Variants in TGFBI observed in about 807,000 individuals in gnomAD.
TGFBI encodes transforming growth factor-beta-induced protein ig-h3.
A neutral mutation model predicts 73.7 loss-of-function variants in TGFBI; 50 were observed. The observed-to-expected ratio is 0.68, with a 90% CI of 0.54 to 0.86. The LOEUF (loss-of-function observed/expected upper bound fraction) is 0.86, where lower values mean the gene tolerates loss of function less well. Among genes scored for constraint, TGFBI ranks in the 40% least tolerant of loss-of-function variants. TGFBI has a pLI of 0.00. For synonymous variants in TGFBI, 362 were observed against 360.5 expected (o/e 1.00, Z -0.05); for missense variants, 839 against 877.0 (o/e 0.96, Z 0.55).
intron 2 of TGFBI, among the ~76,000 whole-genome samples, chr5:136,043,160 G>T (rs1411844277): frequency 6.6e-6 from 1 of 152,194 alleles, no homozygotes; most frequent in African/African-American, 2.4e-5. Context: ...TCCACCGAAG[G>T]TACAGGGTAG....
At chr5:136,031,052 G>T (rs1751111120) in intron 1 of TGFBI, among the ~76,000 whole-genome samples, 1 of 152,184 alleles carries the variant, frequency 6.6e-6, no homozygotes, top group Non-Finnish European at 1.5e-5. Context: ...CCATACCCCT[G>T]CAGGCAAAGC....
intron 2 of TGFBI, among the ~76,000 whole-genome samples, chr5:136,043,777 G>C (rs1306392262): frequency 6.6e-6 from 1 of 152,220 alleles, no homozygotes; most frequent in Non-Finnish European, 1.5e-5. Flanking sequence ...ATGTTTTCTA[G>C]TCACAACATT....
chr5:136,047,522 G>A, intron 6 of TGFBI, 102 bp downstream of exon 6: 1 of 1,441,656 alleles, frequency 6.9e-7, no homozygotes, highest in Non-Finnish European at 9.5e-7. Flanking sequence ...GATGGCTCCT[G>A]TAGGGGAACA....
At chr5:136,037,019 G>A (rs555330785) in intron 2 of TGFBI, among the ~76,000 whole-genome samples, 6 of 152,286 alleles carry the variant, frequency 3.9e-5, no homozygotes, top group African/African-American at 1.4e-4. Context: ...CCGACCTGGT[G>A]AGACAGGAGC....
chr5:136,046,242 TG>T, intron 3 of TGFBI, 92 bp from the exon 4 acceptor site: 3 of 1,485,230 alleles, frequency 2.0e-6, no homozygotes, highest in Non-Finnish European at 2.8e-6. Context: ...CCTCTCCACC[TG>T]TAGATGTACC....
intron 2 of TGFBI, among the ~76,000 whole-genome samples, chr5:136,035,878 T>C (rs1751211138): frequency 6.6e-6 from 1 of 152,124 alleles, no homozygotes; most frequent in Non-Finnish European, 1.5e-5. Flanking sequence ...GACCCGTTTA[T>C]GATGACAAGC....
At chr5:136,050,907 A>G (rs1239816674) in intron 7 of TGFBI, among the ~76,000 whole-genome samples, 4 of 152,190 alleles carry the variant, frequency 2.6e-5, no homozygotes, top group African/African-American at 9.7e-5. Flanking sequence ...GAAAATGAAT[A>G]CAGCACAGCC....
chr5:136,042,488 C>G (rs1751356741), intron 2 of TGFBI, among the ~76,000 whole-genome samples: 1 of 152,142 alleles, frequency 6.6e-6, no homozygotes. Flanking sequence ...TCAATCAAAT[C>G]TTACTTTAGT....
chr5:136,061,647 GC>G lies in TGFBI; in HGVS notation c.1986+70del, dbSNP rs774010144. On this transcript the variant is annotated intron_variant, in intron 15 of 16. Transcript: ENST00000442011. Reference sequence around the variant, plus strand: ...GGTCCTCTGTTTGGGCCATAGAGGAGCCTCTCCAGCCCCTGTCTTCCTTGGC... The same window carrying G: ...GGTCCTCTGTTTGGGCCATAGAGGAGCTCTCCAGCCCCTGTCTTCCTTGGC... The G allele has an allele frequency of 6.1e-6, 8 of 1,308,226 alleles. No homozygotes were observed. In the South Asian group the frequency reaches 7.2e-5, roughly 12 times the overall value. 81.0% of individuals were successfully genotyped at this position (1,308,226 alleles called of 1,614,324 possible). A position where few individuals can be genotyped will look rare whatever the true frequency, so the allele number is the denominator to read the frequency against.
At chr5:136,035,223 A>G (rs1751191970) in intron 2 of TGFBI, among the ~76,000 whole-genome samples, 1 of 152,206 alleles carries the variant, frequency 6.6e-6, no homozygotes, top group Admixed American at 6.5e-5. Flanking sequence ...ACACACTGCC[A>G]AGATTCAGCT....
intron 2 of TGFBI, among the ~76,000 whole-genome samples, chr5:136,042,473 G>A (rs779455870): frequency 3.3e-5 from 5 of 152,210 alleles, no homozygotes; most frequent in Non-Finnish European, 7.3e-5. Context: ...ACCTTTGAAA[G>A]TGTGTCAATC....
In TGFBI at chr5:136,054,704, C is replaced by A. The variant is rs767292162; in HGVS notation, c.1265-12C>A. 1.2e-6 allele frequency: 2 copies of A among 1,613,824 alleles called. No homozygotes were observed. Among genetic ancestry groups the A allele is most frequent in the Admixed American group, 1.7e-5 (1 of 60,006 alleles). On this transcript the variant is annotated splice_polypyrimidine_tract_variant and intron_variant, in intron 9 of 16. Transcript: ENST00000442011. ...ACATCTCTCTGGACCTAACCATCAC[C>A]CTTTCTTGTAGATGGAACCCCTCCA... is the stretch of plus-strand genomic sequence containing the variant.
intron 2 of TGFBI, among the ~76,000 whole-genome samples, chr5:136,041,896 C>T (rs1461995654): frequency 6.6e-6 from 1 of 152,204 alleles, no homozygotes; most frequent in Non-Finnish European, 1.5e-5. Flanking sequence ...GGGGATGGAA[C>T]TCAGAAGCCA....
In TGFBI at chr5:136,061,109, C is replaced by T. The variant is rs115391206; in HGVS notation, c.1906+173C>T. The T allele has an allele frequency of 3.4e-4, 203 of 602,856 alleles. 1 individual carries two copies. Among genetic ancestry groups the T allele is most frequent in the African/African-American group, 3.3e-3 (179 of 54,066 alleles). 37.3% of individuals were successfully genotyped at this position (602,856 alleles called of 1,614,324 possible). A position where few individuals can be genotyped will look rare whatever the true frequency, so the allele number is the denominator to read the frequency against. ...AATTGGGAGCTGTTGGTTTTGAATG[C>T]ACCACACTAAGGAATGTGAGGACAC... On this transcript the variant is annotated intron_variant, in intron 14 of 16. Coordinates refer to ENST00000442011, the MANE Select transcript of TGFBI (RefSeq NM_000358.3).
At chr5:136,035,870 C>A (rs939517877) in intron 2 of TGFBI, among the ~76,000 whole-genome samples, 1 of 151,954 alleles carries the variant, frequency 6.6e-6, no homozygotes, top group Non-Finnish European at 1.5e-5. Flanking sequence ...AAAATGGAGA[C>A]CCGTTTATGA....
At position 136,055,716 on chromosome 5, in the gene TGFBI, G is replaced by A. The variant is rs754155367; in HGVS notation, c.1447G>A (p.Asp483Asn). 8.7e-6 allele frequency: 14 copies of A among 1,610,064 alleles called. No homozygotes were observed. Among genetic ancestry groups the A allele is most frequent in the South Asian group, 3.3e-5 (3 of 90,678 alleles). Residue 483 changes from aspartate (D) to asparagine (N), a missense_variant, in exon 11 of 17, where the codon GAC (aspartate) becomes AAC (asparagine). Coordinates refer to ENST00000442011, the MANE Select transcript of TGFBI (RefSeq NM_000358.3). ...TGAGAACAGCTGCATCGCGGCCCACGACAAGAGGGGGAGGTACGGGACCCT... is the reference window on the plus strand; with the variant it reads ...TGAGAACAGCTGCATCGCGGCCCACAACAAGAGGGGGAGGTACGGGACCCT... ...CIENSCIAAHDKRGRYGTLFT... is the reference protein window; with the variant it reads ...CIENSCIAAHNKRGRYGTLFT...
chr5:136,053,094 T>C lies in TGFBI; in HGVS notation c.1101T>C (p.Ile367=), dbSNP rs1751566208. ...CCACCAACGGGGTGATCCACTACAT[T>C]GATGAGCTACTCATCCCAGACTCAG... is the stretch of plus-strand genomic sequence containing the variant. ...ILATNGVIHY[I]DELLIPDSAK... The change falls in exon 8 of 17, where the codon ATT becomes ATC. Residue 367 remains isoleucine (I), a synonymous_variant. Transcript: ENST00000442011. The C allele has an allele frequency of 6.2e-7, 1 of 1,613,876 alleles. No homozygotes were observed. Among genetic ancestry groups the C allele is most frequent in the Non-Finnish European group, 8.5e-7 (1 of 1,179,886 alleles).
At chr5:136,046,680 C>T (rs907448215) in intron 4 of TGFBI, 171 bp from the exon 5 acceptor site, 3 of 1,198,884 alleles carry the variant, frequency 2.5e-6, no homozygotes, top group East Asian at 5.1e-5. Context: ...CGTCTAATGC[C>T]CCCCGTTCCC....
intron 12 of TGFBI, 123 bp from the exon 13 acceptor site, chr5:136,058,967 T>G: frequency 7.9e-7 from 1 of 1,272,716 alleles, no homozygotes; most frequent in Non-Finnish European, 1.1e-6. Context: ...AAGTGCTTAT[T>G]CCCTGGGCAG....
Sources: gnomAD v4.1 joint callset for allele counts (sites outside exome capture counted in the v4.1 genomes callset) on GRCh38, gnomAD v4.1.1 for gene constraint, MANE v1.5 for transcripts, NCBI Gene and HGNC (gene_info 2026-07-23, HGNC 2026-07-21) for gene names.